Variants in LRRIQ4 observed in about 807,000 individuals in gnomAD.
LRRIQ4 encodes the protein leucine rich repeats and IQ motif containing 4.
In LRRIQ4, 21 loss-of-function variants were observed where a neutral mutation model predicts 40.1. The observed-to-expected ratio is 0.52, with a 90% confidence interval of 0.37 to 0.75. LRRIQ4 has a LOEUF of 0.75. Ranked by LOEUF, LRRIQ4 falls within the 30% of genes least tolerant of loss-of-function variation. LRRIQ4 has a pLI of 0.00. For missense variants in LRRIQ4, 655 were observed against 660.0 expected, an observed-to-expected ratio of 0.99 and a Z score of 0.08; for synonymous variants, 277 against 277.1, an observed-to-expected ratio of 1.00 and a Z score of 0.00.
chr3:169,836,279 G>T (rs1780300109), intron 5 of LRRIQ4, among the ~76,000 whole-genome samples: 1 of 152,050 alleles, frequency 6.6e-6, no homozygotes, highest in South Asian at 2.1e-4. Flanking sequence ...GTCAGAGTAG[G>T]CCTCACTGAA....
At chr3:169,832,467 CA>C (rs766710567) in intron 4 of LRRIQ4, among the ~76,000 whole-genome samples, 3,474 of 104,162 alleles carry the variant, frequency 0.033, 104 homozygotes, top group African/African-American at 0.098. Context: ...GACTCTGTCT[CA>C]AAAAAAAAAA....
At chr3:169,826,535 A>T (rs1780045049) in intron 2 of LRRIQ4, among the ~76,000 whole-genome samples, 1 of 152,178 alleles carries the variant, frequency 6.6e-6, no homozygotes, top group East Asian at 1.9e-4. Context: ...ATTTCTTCTC[A>T]TTATACTTTA....
intron 2 of LRRIQ4, among the ~76,000 whole-genome samples, chr3:169,826,319 G>A (rs1780039516): frequency 6.6e-6 from 1 of 151,316 alleles, no homozygotes; most frequent in Admixed American, 6.6e-5. Context: ...TTGAACCCAG[G>A]AGGCAGAGGT....
chr3:169,831,443 T>C (rs867193776), intron 4 of LRRIQ4, among the ~76,000 whole-genome samples: 9 of 28,604 alleles, frequency 3.1e-4, no homozygotes, highest in Admixed American at 4.9e-4. Flanking sequence ...CCGGCTAATT[T>C]TTTTTTTTTT....
intron 5 of LRRIQ4, among the ~76,000 whole-genome samples, chr3:169,834,744 C>A (rs915213400): frequency 8.5e-5 from 13 of 152,078 alleles, no homozygotes; most frequent in Non-Finnish European, 1.5e-4. Context: ...ACTTTCCCCT[C>A]AAAATTGATC....
intron 5 of LRRIQ4, among the ~76,000 whole-genome samples, chr3:169,833,991 T>C (rs561126138): frequency 1.8e-4 from 28 of 152,300 alleles, no homozygotes; most frequent in African/African-American, 6.7e-4. Flanking sequence ...AATAAAAACA[T>C]ACAAAAGGAC....
chr3:169,824,041 A>T (rs1025249628), intron 2 of LRRIQ4, among the ~76,000 whole-genome samples: 1 of 152,246 alleles, frequency 6.6e-6, no homozygotes, highest in African/African-American at 2.4e-5. Flanking sequence ...GATACCATTT[A>T]TAAATTTTGA....
rs1325810979 is a variant in LRRIQ4, at chr3:169,822,544, G to A, written c.623G>A (p.Gly208Glu). 2 of 1,613,836 alleles carry A rather than the reference G, an allele frequency of 1.2e-6. No homozygotes were observed. The highest frequency in any genetic ancestry group is 2.7e-5 in the African/African-American group (2 of 74,922). The change falls in exon 2 of 6, where the codon GGA becomes GAA. Residue 208 changes from glycine to glutamate, a missense_variant. By Grantham distance (98) the Gly-to-Glu change is moderately conservative. Transcript: ENST00000340806. ...NKIGAIPEEIGHLTGLQKFYM... is the reference protein window; with the variant it reads ...NKIGAIPEEIEHLTGLQKFYM... Reference sequence around the variant, plus strand: ...ATAGGTGCCATCCCAGAAGAGATCGGACACCTGACGGGGCTGCAGAAGTTC... The same window carrying A: ...ATAGGTGCCATCCCAGAAGAGATCGAACACCTGACGGGGCTGCAGAAGTTC...
chr3:169,824,345 C>A (rs1327929486), intron 2 of LRRIQ4, among the ~76,000 whole-genome samples: 3 of 151,972 alleles, frequency 2.0e-5, no homozygotes, highest in Admixed American at 2.0e-4. Flanking sequence ...AGGAATGTGT[C>A]TTTAAAAACC....
chr3:169,815,406 T>C, intron 1 of LRRIQ4, among the ~76,000 whole-genome samples: 1 of 152,196 alleles, frequency 6.6e-6, no homozygotes. Flanking sequence ...GTAGCTACTG[T>C]AAATGGGATT....
intron 3 of LRRIQ4, 27 bp downstream of exon 3, chr3:169,828,959 A>C: frequency 1.3e-6 from 2 of 1,580,322 alleles, no homozygotes; most frequent in Non-Finnish European, 1.7e-6. Flanking sequence ...GAGCAGGCTA[A>C]GAAGCACCTG....
At chr3:169,820,244 A>C (rs1215211328) in intron 1 of LRRIQ4, among the ~76,000 whole-genome samples, 1 of 128,092 alleles carries the variant, frequency 7.8e-6, no homozygotes, top group Non-Finnish European at 1.6e-5. Flanking sequence ...CTTTCCCCAT[A>C]GACTCTGTGT....
At chr3:169,831,386 G>T (rs1576769577) in intron 4 of LRRIQ4, among the ~76,000 whole-genome samples, 1 of 117,464 alleles carries the variant, frequency 8.5e-6, no homozygotes, top group Admixed American at 1.1e-4. Context: ...CTATTCTTCT[G>T]CCTCAGCCTC....
In LRRIQ4 at chr3:169,822,332, C is replaced by T. The variant is rs1339683571; in HGVS notation, c.411C>T (p.Ile137=). The T allele has an allele frequency of 6.2e-7, 1 of 1,613,812 alleles. No homozygotes were observed. Among genetic ancestry groups the T allele is most frequent in the Non-Finnish European group, 8.5e-7 (1 of 1,179,846 alleles). Residue 137 remains isoleucine, a synonymous_variant, in exon 2 of 6, where the codon ATC becomes ATT. Coordinates refer to ENST00000340806, the MANE Select transcript of LRRIQ4 (RefSeq NM_001080460.3). ...QTDLKEIPVV[I]FKNLHHLELL... ...ACCTGAAGGAAATTCCCGTCGTCAT[C>T]TTTAAAAACCTCCACCATCTCGAGC...
rs781493520 is a variant in LRRIQ4 at position 169,822,970 on chromosome 3, T to C, written c.1020+29T>C. On this transcript the variant is annotated intron_variant, in intron 2 of 5. Coordinates refer to ENST00000340806, the MANE Select transcript of LRRIQ4 (RefSeq NM_001080460.3). The stretch of plus-strand genomic sequence containing the variant: ...CGGATTCCTTTTCTGGCTGTCACTA[T>C]GCTCTCATCCAGGGTCCTTCCTGCC... The C allele has an allele frequency of 1.4e-5, 21 of 1,486,976 alleles. No individual in the cohort carries two copies. In the African/African-American group the frequency reaches 2.0e-4, roughly 14 times the overall value. The allele number at this position is 1,486,976 out of a possible 1,614,324, so 92.1% of individuals were successfully genotyped here.
intron 1 of LRRIQ4, among the ~76,000 whole-genome samples, chr3:169,813,921 G>T (rs546438376): frequency 6.6e-6 from 1 of 152,230 alleles, no homozygotes; most frequent in Non-Finnish European, 1.5e-5. Flanking sequence ...CAGGTTGTGG[G>T]GCACGTGGGC....
intron 2 of LRRIQ4, among the ~76,000 whole-genome samples, chr3:169,823,481 G>A (rs1779965940): frequency 6.6e-6 from 1 of 151,956 alleles, no homozygotes; most frequent in Non-Finnish European, 1.5e-5. Context: ...TCGAATAGCT[G>A]GGATTACAGG....
intron 1 of LRRIQ4, among the ~76,000 whole-genome samples, chr3:169,819,232 A>G (rs1288502001): frequency 6.6e-6 from 1 of 152,196 alleles, no homozygotes. Context: ...GCTATTGCAA[A>G]TCTGGGTTTT....
intron 5 of LRRIQ4, among the ~76,000 whole-genome samples, chr3:169,834,081 G>T (rs574642032): frequency 2.5e-3 from 387 of 152,266 alleles, no homozygotes; most frequent in African/African-American, 8.4e-3. Flanking sequence ...TATATTTCAG[G>T]CCTGGCGCGG....
Sources: gnomAD v4.1 joint callset for allele counts (sites outside exome capture counted in the v4.1 genomes callset) on GRCh38, gnomAD v4.1.1 for gene constraint, MANE v1.5 for transcripts, NCBI Gene and HGNC (gene_info 2026-07-23, HGNC 2026-07-21) for gene names.